The following DLGAP2 variants were observed in gnomAD, a reference collection of about 807,000 sequenced individuals.
DLGAP2 encodes DLG associated protein 2, also known as disks large-associated protein 2.
Under a neutral mutation model 100.3 loss-of-function variants are expected in DLGAP2, and 26 were observed. That is an observed-to-expected ratio of 0.26 (90% CI 0.19 to 0.36). The LOEUF (loss-of-function observed/expected upper bound fraction) is 0.36. DLGAP2 is among the 10% of genes least tolerant of loss of function. The pLI, the probability that DLGAP2 is intolerant of heterozygous loss-of-function variation, is 1.00. For missense variants in DLGAP2, 1,858 were observed against 1,453.2 expected (o/e 1.28, Z -4.53); for synonymous variants, 886 against 630.1 (o/e 1.41, Z -6.08).
intron 1 of DLGAP2, among the ~76,000 whole-genome samples, chr8:820,956 G>A (rs1446551463): frequency 6.6e-6 from 1 of 152,162 alleles, no homozygotes; most frequent in Admixed American, 6.5e-5. Flanking sequence ...GTGAATTCTA[G>A]AACGGTGGAG....
At chr8:1,344,312 A>G (rs915255848) in intron 3 of DLGAP2, among the ~76,000 whole-genome samples, 1 of 152,134 alleles carries the variant, frequency 6.6e-6, no homozygotes, top group African/African-American at 2.4e-5. Context: ...TGTGCAGACA[A>G]CAGCCTTCAG....
Position 882,267 on chromosome 8 carries a change from C to G in DLGAP2, c.19-25645C>G, listed in dbSNP as rs189243021. On this transcript the variant is annotated intron_variant, in intron 1 of 14. Transcript: ENST00000637795. ...CTGCGGAGGCCTCTCCTGCGGGCAC[C>G]CGTGCCTGGCCCAGCGGCACCTCTC... 6.1e-3 allele frequency among the ~76,000 whole-genome samples: 926 copies of G among 151,962 alleles called. 10 individuals carry two copies. The highest frequency in any genetic ancestry group is 0.01 in the Middle Eastern group (3 of 294).
intron 2 of DLGAP2, among the ~76,000 whole-genome samples, chr8:988,745 C>T (rs928545981): frequency 3.3e-5 from 5 of 152,268 alleles, no homozygotes; most frequent in Admixed American, 1.3e-4. Flanking sequence ...CCTCCATCTC[C>T]ACCCTCCCTA....
Position 1,466,288 on chromosome 8 carries a change from G to A in DLGAP2, c.107-35078G>A, listed in dbSNP as rs1345526102. Among the ~76,000 whole-genome samples, 8 of 152,078 alleles carry A rather than the reference G, an allele frequency of 5.3e-5. No individual in the cohort carries two copies. In the East Asian group the frequency reaches 1.4e-3, roughly 26 times the overall value. On this transcript the variant is annotated intron_variant, in intron 3 of 14. Transcript: ENST00000637795. ...CTTGAATGGCTTAACTGACAATTTG[G>A]TGCCAGGCAACCTGAGCCAAGCAGA... is the stretch of plus-strand genomic sequence containing the variant.
intron 2 of DLGAP2, among the ~76,000 whole-genome samples, chr8:1,142,150 T>C (rs578206927): frequency 2.9e-4 from 44 of 152,292 alleles, no homozygotes; most frequent in Middle Eastern, 3.4e-3. Context: ...AAATTTGCAT[T>C]TTATTTAAGG....
At chr8:940,488 C>T (rs1238054467) in intron 2 of DLGAP2, among the ~76,000 whole-genome samples, 1 of 152,088 alleles carries the variant, frequency 6.6e-6, no homozygotes. Context: ...TGGGTGTGGA[C>T]ATCGTCTGTG....
chr8:1,285,465 T>G (rs759964284), intron 3 of DLGAP2, among the ~76,000 whole-genome samples: 1 of 152,214 alleles, frequency 6.6e-6, no homozygotes, highest in Non-Finnish European at 1.5e-5. Flanking sequence ...GAGTAGAGCC[T>G]GTCCTGGAGA....
intron 1 of DLGAP2, among the ~76,000 whole-genome samples, chr8:823,639 A>T (rs1490017573): frequency 2.0e-5 from 3 of 151,862 alleles, no homozygotes; most frequent in Non-Finnish European, 4.4e-5. Context: ...CCCAGCAGGG[A>T]TGTGTGGGTG....
intron 1 of DLGAP2, among the ~76,000 whole-genome samples, chr8:744,614 C>A (rs1820569853): frequency 6.6e-6 from 1 of 150,614 alleles, no homozygotes; most frequent in Admixed American, 6.6e-5. Context: ...TGCCTCTTCT[C>A]CGGCCACGTC....
intron 1 of DLGAP2, among the ~76,000 whole-genome samples, chr8:748,262 G>A (rs980824189): frequency 3.3e-4 from 49 of 148,752 alleles, no homozygotes; most frequent in Admixed American, 1.3e-3. Context: ...GGATGGGGCC[G>A]GCCTCTGTGG....
At chr8:1,418,051 C>G (rs1796981055) in intron 3 of DLGAP2, among the ~76,000 whole-genome samples, 1 of 152,200 alleles carries the variant, frequency 6.6e-6, no homozygotes, top group Admixed American at 6.5e-5. Context: ...GATTAGATGC[C>G]TGCAAGAATA....
intron 2 of DLGAP2, among the ~76,000 whole-genome samples, chr8:1,164,326 A>AGGGCCCGTCGTTTTGGTTTGTGGG (rs1563224499): frequency 2.6e-5 from 2 of 78,128 alleles, no homozygotes; most frequent in African/African-American, 4.0e-5. Flanking sequence ...TTGTGGGGAC[A>AGGGCCCGTCGTTTTGGTTTGTGGG]GATTTTTCTG....
At chr8:1,535,152 G>A (rs959182279) in intron 4 of DLGAP2, among the ~76,000 whole-genome samples, 5 of 152,190 alleles carry the variant, frequency 3.3e-5, no homozygotes, top group East Asian at 3.9e-4. Context: ...GCCGCTCCCC[G>A]ACAGATGCCC....
At chr8:880,808 C>G (rs560849332) in intron 1 of DLGAP2, among the ~76,000 whole-genome samples, 16 of 152,256 alleles carry the variant, frequency 1.1e-4, no homozygotes, top group Non-Finnish European at 1.6e-4. Context: ...AACTCCTGCT[C>G]GTTCATGGAC....
chr8:1,215,375 G>T (rs1207265165), intron 2 of DLGAP2, among the ~76,000 whole-genome samples: 1 of 152,250 alleles, frequency 6.6e-6, no homozygotes, highest in East Asian at 1.9e-4. Context: ...TAATCGTGCA[G>T]GTTGAGAGTG....
chr8:1,392,778 C>A (rs920822707), intron 3 of DLGAP2, among the ~76,000 whole-genome samples: 1 of 148,044 alleles, frequency 6.8e-6, no homozygotes, highest in Non-Finnish European at 1.5e-5. Flanking sequence ...TGTGTTCTTT[C>A]TTCGGGATAA....
intron 1 of DLGAP2, among the ~76,000 whole-genome samples, chr8:876,800 G>T (rs1392317711): frequency 6.6e-6 from 1 of 152,064 alleles, no homozygotes. Flanking sequence ...CTATGCTTCT[G>T]AGCTCCTTCA....
intron 12 of DLGAP2, among the ~76,000 whole-genome samples, chr8:1,691,157 A>AAAT (rs1799251419): frequency 6.6e-6 from 1 of 152,240 alleles, no homozygotes; most frequent in South Asian, 2.1e-4. Flanking sequence ...GAGTCCATAA[A>AAAT]AATAGGAAGA....
intron 2 of DLGAP2, among the ~76,000 whole-genome samples, chr8:1,055,972 C>T (rs1336407246): frequency 6.6e-6 from 1 of 152,128 alleles, no homozygotes; most frequent in Non-Finnish European, 1.5e-5. Context: ...CCTTGGTGTG[C>T]CCTGGGGGGT....
Sources: gnomAD v4.1 joint callset for allele counts (sites outside exome capture counted in the v4.1 genomes callset) on GRCh38, gnomAD v4.1.1 for gene constraint, MANE v1.5 for transcripts, NCBI Gene and HGNC (gene_info 2026-07-23, HGNC 2026-07-21) for gene names.